The following PARPBP variants were observed in gnomAD, a reference collection of about 807,000 sequenced individuals.
PARPBP encodes the protein PARP1 binding protein.
PARPBP carries 52 observed loss-of-function variants against 50.0 expected under a neutral mutation model. That is an observed-to-expected ratio of 1.04 (90% CI 0.83 to 1.31). PARPBP has a LOEUF of 1.31. PARPBP is among the 50% of genes most tolerant of loss of function. PARPBP has a pLI of 0.00. For synonymous variants in PARPBP, 244 were observed against 232.1 expected, an observed-to-expected ratio of 1.05 and a Z score of -0.47; for missense variants, 697 against 672.0, an observed-to-expected ratio of 1.04 and a Z score of -0.41.
At chr12:102,152,125 T>C (rs1277914949) in intron 3 of PARPBP, 1 of 286,888 alleles carries the variant, frequency 3.5e-6, no homozygotes. Flanking sequence ...CTCCTCTTCC[T>C]AGATGTTGGG....
At chr12:102,139,747 G>T (rs573711051) in intron 2 of PARPBP, among the ~76,000 whole-genome samples, 8 of 152,162 alleles carry the variant, frequency 5.3e-5, no homozygotes, top group Non-Finnish European at 1.0e-4. Context: ...TAATCATGTG[G>T]TTTTTGTCTT....
intron 6 of PARPBP, 54 bp from the exon 7 acceptor site, chr12:102,175,429 A>G: frequency 3.5e-6 from 4 of 1,136,372 alleles, no homozygotes; most frequent in South Asian, 1.4e-5. Context: ...CAAGTCTATA[A>G]GCATATTATA....
chr12:102,197,340 A>C lies in PARPBP; in HGVS notation c.*1049A>C, dbSNP rs903670512. On this transcript the variant is annotated 3_prime_UTR_variant, in exon 11 of 11. Transcript: ENST00000327680. ...AGGAGAAAAAACACTTTCAGATAAG[A>C]GGTGTTTGCTGGGATGGAAGAACTA... 2.5e-6 allele frequency: 2 copies of C among 810,270 alleles called. No homozygotes were observed. Among genetic ancestry groups the C allele is most frequent in the Non-Finnish European group, 3.8e-6 (2 of 524,264 alleles). The allele number at this position is 810,270 out of a possible 1,614,324, so 50.2% of individuals were successfully genotyped here. A position where few individuals can be genotyped will look rare whatever the true frequency, so the allele number is the denominator to read the frequency against.
chr12:102,124,263 C>T (rs184288522), intron 2 of PARPBP, among the ~76,000 whole-genome samples: 13 of 152,122 alleles, frequency 8.5e-5, no homozygotes, highest in East Asian at 3.9e-4. Flanking sequence ...TGGTTATACA[C>T]GGGACATGCA....
chr12:102,135,182 A>G (rs1009660799), intron 2 of PARPBP, among the ~76,000 whole-genome samples: 1 of 152,152 alleles, frequency 6.6e-6, no homozygotes, highest in Non-Finnish European at 1.5e-5. Context: ...GAATATGTAT[A>G]AGGAAATGAA....
At chr12:102,125,806 A>G (rs1191133686) in intron 2 of PARPBP, among the ~76,000 whole-genome samples, 1 of 152,186 alleles carries the variant, frequency 6.6e-6, no homozygotes, top group Non-Finnish European at 1.5e-5. Flanking sequence ...TAATAGCCAT[A>G]AGAAGAATAT....
intron 3 of PARPBP, among the ~76,000 whole-genome samples, chr12:102,152,643 G>C (rs551493391): frequency 6.6e-6 from 1 of 152,046 alleles, no homozygotes; most frequent in African/African-American, 2.4e-5. Context: ...AAAAATAAGA[G>C]AAGGTTATTA....
Position 102,175,558 on chromosome 12 carries a change from C to T in PARPBP, c.897C>T (p.Cys299=). ...IKGQNSRDPF[C]KAIEEVAQDL... ...GCCAAAACAGCAGGGATCCTTTTTG[C>T]AAAGCAATAGAGGAAGTTGCTCAGG... is the stretch of plus-strand genomic sequence containing the variant. Residue 299 remains cysteine, a synonymous_variant, in exon 7 of 11, where the codon TGC becomes TGT. Transcript: ENST00000327680. 1 of 1,612,726 alleles carries T rather than the reference C, an allele frequency of 6.2e-7. No individual in the cohort carries two copies.
intron 7 of PARPBP, 148 bp downstream of exon 7, chr12:102,175,814 G>A (rs114934074): frequency 9.3e-6 from 5 of 538,034 alleles, no homozygotes; most frequent in African/African-American, 5.8e-5. Flanking sequence ...TTTCTCAATA[G>A]GATTATGTAG....
Position 102,182,499 on chromosome 12 carries a change from A to C in PARPBP, c.1185-50A>C, listed in dbSNP as rs181224814. ...TTCAACGTGAATTTGGAGGGAAACA[A>C]ACATTCCAACCATAGCAATAAATTT... On this transcript the variant is annotated intron_variant, in intron 8 of 10. Transcript: ENST00000327680. 4.8e-4 allele frequency: 629 copies of C among 1,312,178 alleles called. 5 individuals carry two copies. In the African/African-American group the frequency reaches 8.6e-3, roughly 18 times the overall value. 81.3% of individuals were successfully genotyped at this position (1,312,178 alleles called of 1,614,324 possible).
chr12:102,145,621 A>G (rs1885238083), intron 2 of PARPBP, among the ~76,000 whole-genome samples: 1 of 152,238 alleles, frequency 6.6e-6, no homozygotes. Flanking sequence ...TTAGCATGCA[A>G]ACATGTTGGT....
At chr12:102,151,610 T>TGAGGAA in intron 3 of PARPBP, 2 of 1,535,674 alleles carry the variant, frequency 1.3e-6, no homozygotes, top group Non-Finnish European at 1.7e-6. Context: ...GGAAGCTTGC[T>TGAGGAA]GCTGTCTAGG....
intron 4 of PARPBP, chr12:102,154,955 A>G (rs547997589): frequency 2.2e-5 from 8 of 369,634 alleles, no homozygotes; most frequent in African/African-American, 6.4e-5. Flanking sequence ...GGTCTTCACA[A>G]TCCCATATCT....
chr12:102,137,728 C>A (rs1883874641), intron 2 of PARPBP, among the ~76,000 whole-genome samples: 1 of 150,716 alleles, frequency 6.6e-6, no homozygotes, highest in African/African-American at 2.4e-5. Context: ...TTGTTCAGTT[C>A]CCACCTATGA....
At chr12:102,161,346 G>GTTCAGGCTGGGCA (rs1887568161) in intron 4 of PARPBP, among the ~76,000 whole-genome samples, 1 of 152,036 alleles carries the variant, frequency 6.6e-6, no homozygotes, top group Admixed American at 6.6e-5. Flanking sequence ...GGTCTCAAGT[G>GTTCAGGCTGGGCA]ACCCACCTGC....
chr12:102,153,837 A>C, intron 3 of PARPBP, 32 bp from the exon 4 acceptor site: 1 of 1,152,148 alleles, frequency 8.7e-7, no homozygotes, highest in East Asian at 2.3e-5. Flanking sequence ...TCAGCATAGC[A>C]TTTTATTAGT....
Position 102,196,257 on chromosome 12 carries a change from G to T in PARPBP, c.1706G>T (p.Gly569Val), listed in dbSNP as rs780039777. 5 of 1,597,350 alleles carry T rather than the reference G, an allele frequency of 3.1e-6. No homozygotes were observed. Among genetic ancestry groups the T allele is most frequent in the Non-Finnish European group, 4.3e-6 (5 of 1,173,990 alleles). ...KCTAKDKLIS[G>V]QAKLTQFFRL ...ACTGCCAAGGACAAGTTGATTTCTG[G>T]CCAGGCAAAGTTAACTCAGTTTTTT... The change falls in exon 11 of 11, where the codon GGC (glycine) becomes GTC (valine). Residue 569 changes from glycine (G) to valine (V), a missense_variant. Physicochemically the swap from Gly to Val is moderately radical, Grantham distance 109. Transcript: ENST00000327680.
intron 2 of PARPBP, among the ~76,000 whole-genome samples, chr12:102,137,444 A>G (rs190896028): frequency 3.3e-5 from 5 of 152,198 alleles, no homozygotes; most frequent in Admixed American, 2.6e-4. Context: ...GGTTTTTAGC[A>G]TGTTTTTTGA....
chr12:102,162,934 G>A (rs778419179), intron 4 of PARPBP, among the ~76,000 whole-genome samples: 1 of 151,996 alleles, frequency 6.6e-6, no homozygotes, highest in Non-Finnish European at 1.5e-5. Context: ...CCTTATTCCA[G>A]GTCATGAAGA....
Sources: allele counts gnomAD v4.1 joint callset (sites outside exome capture counted in the v4.1 genomes callset), GRCh38; gene constraint gnomAD v4.1.1; transcripts MANE v1.5; gene names NCBI Gene and HGNC (gene_info 2026-07-23, HGNC 2026-07-21).